The following DNTT variants were observed in gnomAD, a reference collection of about 807,000 sequenced individuals.
The protein encoded by DNTT is nucleosidetriphosphate:DNA deoxynucleotidylexotransferase.
A neutral mutation model predicts 60.9 loss-of-function variants in DNTT; 47 were observed. The observed-to-expected ratio is 0.77, with a 90% CI of 0.61 to 0.98. The LOEUF is 0.98. Among genes scored for constraint, DNTT ranks in the 50% least tolerant of loss-of-function variants. The probability of loss-of-function intolerance (pLI) is 0.00; values close to 1 mark genes in which losing one functional copy is unlikely to be tolerated. For missense variants in DNTT, 665 were observed against 627.5 expected, an observed-to-expected ratio of 1.06 and a Z score of -0.64; for synonymous variants, 224 against 221.2, an observed-to-expected ratio of 1.01 and a Z score of -0.11.
chr10:96,336,381 C>T (rs1845069487), intron 10 of DNTT, among the ~76,000 whole-genome samples: 1 of 152,176 alleles, frequency 6.6e-6, no homozygotes, highest in African/African-American at 2.4e-5. Context: ...CCATTAACAA[C>T]AGTCTCCTGC....
At chr10:96,308,543 T>C (rs1844670184) in intron 1 of DNTT, among the ~76,000 whole-genome samples, 1 of 152,220 alleles carries the variant, frequency 6.6e-6, no homozygotes, top group Admixed American at 6.5e-5. Flanking sequence ...CGTGGAGCTA[T>C]TTTAAAATTT....
intron 4 of DNTT, among the ~76,000 whole-genome samples, chr10:96,321,300 T>C (rs577143808): frequency 6.6e-6 from 1 of 152,224 alleles, no homozygotes; most frequent in Non-Finnish European, 1.5e-5. Context: ...TTTGACCTTT[T>C]GACTTGGGGT....
chr10:96,336,156 G>A (rs923696451), intron 10 of DNTT, among the ~76,000 whole-genome samples, 182 bp downstream of exon 10: 2 of 152,132 alleles, frequency 1.3e-5, no homozygotes, highest in Non-Finnish European at 2.9e-5. Context: ...GTTTCCACCC[G>A]GCCCAGAATG....
chr10:96,328,967 T>A, intron 8 of DNTT, 137 bp downstream of exon 8: 1 of 840,052 alleles, frequency 1.2e-6, no homozygotes, highest in Non-Finnish European at 1.8e-6. Flanking sequence ...TACAAAGCCA[T>A]ATGACCTACA....
rs763298852 is a variant in DNTT, at chr10:96,327,566, G to C, written c.973G>C (p.Asp325His). The C allele has an allele frequency of 1.3e-5, 21 of 1,613,886 alleles. No individual in the cohort carries two copies. Among genetic ancestry groups the C allele is most frequent in the Non-Finnish European group, 1.6e-5 (19 of 1,179,970 alleles). Residue 325 changes from aspartate to histidine, a missense_variant, in exon 7 of 11, where the codon GAT becomes CAT. Physicochemically the swap from Asp to His is moderately conservative, Grantham distance 81. Coordinates refer to ENST00000371174, the MANE Select transcript of DNTT (RefSeq NM_004088.4). ...VKEAVWAFLP[D>H]AFVTMTGGFR... is the part of the protein sequence containing the mutation. Reference sequence around the variant, plus strand: ...AGAGGCTGTCTGGGCATTTCTTCCGGATGCTTTCGTCACCATGACAGGAGG... The same window carrying C: ...AGAGGCTGTCTGGGCATTTCTTCCGCATGCTTTCGTCACCATGACAGGAGG...
chr10:96,312,442 G>A (rs1158511968), intron 1 of DNTT, among the ~76,000 whole-genome samples: 2 of 152,012 alleles, frequency 1.3e-5, no homozygotes, highest in Non-Finnish European at 2.9e-5. Flanking sequence ...AGACATTGGC[G>A]CCTCCTCTTA....
intron 1 of DNTT, among the ~76,000 whole-genome samples, chr10:96,314,177 G>A (rs952091794): frequency 6.6e-6 from 1 of 152,050 alleles, no homozygotes; most frequent in Admixed American, 6.6e-5. Context: ...CTGTATTTCT[G>A]CCCTTGGGAG....
chr10:96,328,875 T>G, intron 8 of DNTT, 45 bp downstream of exon 8: 1 of 1,573,146 alleles, frequency 6.4e-7, no homozygotes. Flanking sequence ...AACATTATGT[T>G]AACACTTGAA....
At chr10:96,320,190 C>T (rs1320616155) in intron 3 of DNTT, among the ~76,000 whole-genome samples, 5 of 152,176 alleles carry the variant, frequency 3.3e-5, no homozygotes, top group Non-Finnish European at 7.4e-5. Context: ...TCTGTGTGAC[C>T]TACGACTACA....
intron 5 of DNTT, 55 bp from the exon 6 acceptor site, chr10:96,324,211 G>T (rs1054759320): frequency 3.8e-6 from 6 of 1,569,442 alleles, no homozygotes; most frequent in Admixed American, 1.8e-5. Context: ...GTCATGACTC[G>T]GATGTTATAA....
In DNTT at chr10:96,304,702, T is replaced by C. The variant is rs367545715; in HGVS notation, c.203+2T>C. 259 of 1,612,868 alleles carry C rather than the reference T, an allele frequency of 1.6e-4. No homozygotes were observed. The highest frequency in any genetic ancestry group is 2.2e-4 in the Non-Finnish European group (255 of 1,179,452). On this transcript the variant is annotated splice_donor_variant, in intron 1 of 10. Coordinates refer to ENST00000371174, the MANE Select transcript of DNTT (RefSeq NM_004088.4). LOFTEE classifies it high-confidence loss of function. ...GTTCAGGGTTGAAAATGAGCTCAGGTAGGACAGCATCGATCTTGCTTTGTA... is the reference window on the plus strand; with the variant it reads ...GTTCAGGGTTGAAAATGAGCTCAGGCAGGACAGCATCGATCTTGCTTTGTA...
At chr10:96,307,778 T>TA (rs1316738831) in intron 1 of DNTT, among the ~76,000 whole-genome samples, 702 of 65,588 alleles carry the variant, frequency 0.011, 17 homozygotes, top group African/African-American at 0.041. Flanking sequence ...TATATATATA[T>TA]TTTTTTTTTT....
chr10:96,307,705 GTATATA>G (rs1203030676), intron 1 of DNTT, among the ~76,000 whole-genome samples: 1 of 52,882 alleles, frequency 1.9e-5, no homozygotes, highest in South Asian at 7.0e-4. Context: ...GTGTGTGTGT[GTATATA>G]TATATATATA....
chr10:96,337,337 T>C (rs921242971), intron 10 of DNTT, among the ~76,000 whole-genome samples: 12 of 152,198 alleles, frequency 7.9e-5, no homozygotes, highest in African/African-American at 2.9e-4. Flanking sequence ...CATGTGCTGC[T>C]TCTTGGAATT....
intron 1 of DNTT, among the ~76,000 whole-genome samples, chr10:96,308,985 A>T (rs1844676585): frequency 6.6e-6 from 1 of 152,112 alleles, no homozygotes; most frequent in Non-Finnish European, 1.5e-5. Context: ...GTCACAGGGG[A>T]TATGATGGCC....
intron 10 of DNTT, 35 bp downstream of exon 10, chr10:96,336,009 C>A: frequency 6.2e-7 from 1 of 1,607,278 alleles, no homozygotes. Context: ...CTACTTTGAT[C>A]CTCATCCCCA....
chr10:96,311,042 C>A (rs1259016465), intron 1 of DNTT, among the ~76,000 whole-genome samples: 3 of 152,118 alleles, frequency 2.0e-5, no homozygotes, highest in African/African-American at 7.2e-5. Context: ...AAAATCGAGG[C>A]AAGATCGTCT....
intron 1 of DNTT, among the ~76,000 whole-genome samples, chr10:96,310,857 ATGAG>A (rs1341879166): frequency 6.6e-6 from 1 of 152,224 alleles, no homozygotes; most frequent in Non-Finnish European, 1.5e-5. Context: ...TCTGCAATGC[ATGAG>A]TATTAATTTT....
chr10:96,308,783 T>G (rs1189397712), intron 1 of DNTT, among the ~76,000 whole-genome samples: 1 of 152,082 alleles, frequency 6.6e-6, no homozygotes, highest in African/African-American at 2.4e-5. Flanking sequence ...AGGGGGCGGA[T>G]CTCAACAAAG....
Sources: allele counts gnomAD v4.1 joint callset (sites outside exome capture counted in the v4.1 genomes callset), GRCh38; gene constraint gnomAD v4.1.1; transcripts MANE v1.5; gene names NCBI Gene and HGNC (gene_info 2026-07-23, HGNC 2026-07-21).